The following ELP6 variants were observed in gnomAD, a reference collection of about 807,000 sequenced individuals.
ELP6 encodes the protein elongator acetyltransferase complex subunit 6.
ELP6 carries 23 observed loss-of-function variants against 28.1 expected under a neutral mutation model. The ratio of observed to expected loss-of-function variants is 0.82; its 90% CI spans 0.59 to 1.16. The LOEUF is 1.16. Ranked by LOEUF, ELP6 falls within the 50% of genes most tolerant of loss-of-function variation. ELP6 has a pLI of 0.00. For synonymous variants in ELP6, 132 were observed against 135.8 expected, an observed-to-expected ratio of 0.97 and a Z score of 0.19; for missense variants, 313 against 334.6, an observed-to-expected ratio of 0.94 and a Z score of 0.50.
rs773362295 is a variant in ELP6 at position 47,501,784 on chromosome 3, T to C, written c.391A>G (p.Ser131Gly). The C allele has an allele frequency of 2.5e-6, 4 of 1,613,912 alleles. No homozygotes were observed. The South Asian group carries it at 3.3e-5, about 13-fold the overall frequency. The change falls in exon 5 of 7, where the codon AGT (serine) becomes GGT (glycine). Residue 131 changes from serine to glycine, a missense_variant. Transcript: ENST00000296149. ...GGGTACGTCCACCGAGCCTCTCCAC[T>C]GTCTACTGGCTTCAGGGCCTCCCGT... The part of the protein sequence containing the change: ...FVREALKPVD[S>G]GEARWTYPVL...
chr3:47,504,558 T>C (rs1576344836), intron 3 of ELP6, 110 bp from the exon 4 acceptor site: 29 of 1,407,626 alleles, frequency 2.1e-5, no homozygotes, highest in Non-Finnish European at 2.6e-5. Flanking sequence ...CAGAAGTGTA[T>C]CTGATCACCC....
intron 5 of ELP6, 42 bp downstream of exon 5, chr3:47,501,608 G>C (rs1708653569): frequency 3.8e-6 from 6 of 1,587,346 alleles, no homozygotes; most frequent in African/African-American, 2.7e-5. Context: ...CTGAGTTCTT[G>C]GAGGTCACAG....
chr3:47,497,530 T>C (rs1241312221), intron 6 of ELP6, among the ~76,000 whole-genome samples: 7 of 151,798 alleles, frequency 4.6e-5, no homozygotes, highest in Non-Finnish European at 7.4e-5. Flanking sequence ...AGAGATGGGA[T>C]TTCACCATGT....
At chr3:47,512,752 G>A (rs1709051102) in intron 1 of ELP6, 22 of 962,962 alleles carry the variant, frequency 2.3e-5, no homozygotes, top group Non-Finnish European at 2.7e-5. Flanking sequence ...ATCACAAGGA[G>A]GAAGAGTAAG....
At chr3:47,503,072 T>TG in intron 4 of ELP6, 1 of 1,042,744 alleles carries the variant, frequency 9.6e-7, no homozygotes, top group Admixed American at 5.0e-5. Context: ...GCTCCAGGGA[T>TG]GAGCCCCTGG....
At chr3:47,500,661 C>T (rs542751307) in intron 5 of ELP6, among the ~76,000 whole-genome samples, 1 of 152,300 alleles carries the variant, frequency 6.6e-6, no homozygotes, top group Admixed American at 6.5e-5. Context: ...CTAATCCTAA[C>T]TGTGCCTTCC....
intron 5 of ELP6, 193 bp from the exon 6 acceptor site, chr3:47,498,625 A>G: frequency 5.1e-6 from 5 of 985,186 alleles, no homozygotes; most frequent in Non-Finnish European, 3.6e-6. Context: ...CTTCACCCAT[A>G]TTTCACCCAT....
intron 4 of ELP6, among the ~76,000 whole-genome samples, chr3:47,502,746 G>A (rs946268385): frequency 6.6e-6 from 1 of 151,926 alleles, no homozygotes; most frequent in Non-Finnish European, 1.5e-5. Context: ...AGGCTGAGAA[G>A]AGAGGAGTGC....
At chr3:47,496,817 G>A in intron 6 of ELP6, 1 of 985,280 alleles carries the variant, frequency 1.0e-6, no homozygotes, top group Non-Finnish European at 1.2e-6. Context: ...TTCTAAGCAT[G>A]GTTTTGTACT....
Position 47,498,524 on chromosome 3 carries a change from T to C in ELP6, c.526-92A>G, listed in dbSNP as rs942268959. 7.1e-6 allele frequency: 11 copies of C among 1,554,966 alleles called. 1 individual carries two copies. Among genetic ancestry groups the C allele is most frequent in the Admixed American group, 3.5e-5 (2 of 57,856 alleles). Reference sequence around the variant, plus strand: ...GCCTCTCGTTGCCTCCACTCCCCTGTACATCCTCTCACAGATCACCCTCCC... The same window carrying C: ...GCCTCTCGTTGCCTCCACTCCCCTGCACATCCTCTCACAGATCACCCTCCC... On this transcript the variant is annotated intron_variant, in intron 5 of 6. Transcript: ENST00000296149.
intron 1 of ELP6, chr3:47,512,879 G>T (rs2029900564): frequency 3.0e-6 from 3 of 985,126 alleles, no homozygotes; most frequent in South Asian, 4.7e-5. Context: ...GGCCTATTCT[G>T]CAGTCTCCTC....
Position 47,501,824 on chromosome 3 carries a change from T to C in ELP6, c.351A>G (p.Pro117=). ...LREANAGNLK[P]LFEFVREALK... ...GGGCCTCCCGTACAAACTCAAACAATGGTTTCAAGTTCCCAGCATTAGCCT... is the reference window on the plus strand; with the variant it reads ...GGGCCTCCCGTACAAACTCAAACAACGGTTTCAAGTTCCCAGCATTAGCCT... Residue 117 remains proline, a synonymous_variant, in exon 5 of 7, where the codon CCA becomes CCG. Coordinates refer to ENST00000296149, the MANE Select transcript of ELP6 (RefSeq NM_001031703.3). 1 of 1,613,750 alleles carries C rather than the reference T, an allele frequency of 6.2e-7. No homozygotes were observed. The highest frequency in any genetic ancestry group is 8.5e-7 in the Non-Finnish European group (1 of 1,179,924).
At chr3:47,502,640 G>T in intron 4 of ELP6, 1 of 814,822 alleles carries the variant, frequency 1.2e-6, no homozygotes, top group Non-Finnish European at 1.5e-6. Context: ...TTCAAGAACA[G>T]CCTAGGCAAC....
intron 6 of ELP6, chr3:47,497,254 G>A: frequency 8.1e-6 from 8 of 985,396 alleles, no homozygotes; most frequent in Non-Finnish European, 9.6e-6. Flanking sequence ...CTCAGTTTCT[G>A]CCCAAGTACT....
At position 47,513,543 on chromosome 3, in the gene ELP6, C is replaced by T. The variant is rs772229918; in HGVS notation, c.48G>A (p.Ala16=). The change falls in exon 1 of 7, where the codon GCG becomes GCA. Residue 16 remains alanine (A), a synonymous_variant. Transcript: ENST00000296149. The stretch of plus-strand genomic sequence containing the variant: ...GGCCAGCGGGACCTCTTACCTGCTC[C>T]GCCCTGTCGGGGGTGGTGTTAAGCA... The part of the protein sequence containing the change: ...NNLLNTTPDR[A]EQGKLTLLCD... 3.1e-6 allele frequency: 5 copies of T among 1,612,934 alleles called. No homozygotes were observed. The highest frequency in any genetic ancestry group is 2.5e-6 in the Non-Finnish European group (3 of 1,179,470).
At chr3:47,500,034 C>A in intron 5 of ELP6, 1 of 1,290,032 alleles carries the variant, frequency 7.8e-7, no homozygotes, top group Non-Finnish European at 1.0e-6. Context: ...GGCTCTCGCA[C>A]ATCCATGCTT....
intron 3 of ELP6, among the ~76,000 whole-genome samples, chr3:47,509,801 T>C (rs546333671): frequency 2.0e-5 from 3 of 151,888 alleles, no homozygotes; most frequent in Non-Finnish European, 4.4e-5. Flanking sequence ...GACAGAGTCT[T>C]GTTCTGTCGC....
At chr3:47,504,485 T>G in intron 3 of ELP6, 37 bp from the exon 4 acceptor site, 1 of 1,561,676 alleles carries the variant, frequency 6.4e-7, no homozygotes, top group East Asian at 2.3e-5. Flanking sequence ...CTATGCCTTG[T>G]AGGGGAACCC....
At chr3:47,499,771 T>C in intron 5 of ELP6, 1 of 1,045,182 alleles carries the variant, frequency 9.6e-7, no homozygotes, top group Non-Finnish European at 1.2e-6. Context: ...CAAAGCAGCA[T>C]GGCCAGGCCG....
Sources: gnomAD v4.1 joint callset for allele counts (sites outside exome capture counted in the v4.1 genomes callset) on GRCh38, gnomAD v4.1.1 for gene constraint, MANE v1.5 for transcripts, NCBI Gene and HGNC (gene_info 2026-07-23, HGNC 2026-07-21) for gene names.